The following GRID2 variants were observed in gnomAD, a reference collection of about 807,000 sequenced individuals.
GRID2 encodes the protein glutamate ionotropic receptor delta type subunit 2.
A neutral mutation model predicts 114.8 loss-of-function variants in GRID2; 33 were observed. The ratio of observed to expected loss-of-function variants is 0.29; its 90% CI spans 0.22 to 0.38. The LOEUF (loss-of-function observed/expected upper bound fraction) is 0.38, where lower values mean the gene tolerates loss of function less well. GRID2 is among the 10% of genes least tolerant of loss of function. The probability of loss-of-function intolerance (pLI) is 1.00; values close to 1 mark genes in which losing one functional copy is unlikely to be tolerated. For synonymous variants in GRID2, 505 were observed against 449.9 expected, an observed-to-expected ratio of 1.12 and a Z score of -1.55; for missense variants, 1,184 against 1,257.7, an observed-to-expected ratio of 0.94 and a Z score of 0.89.
At chr4:92,762,168 C>T (rs1179569894) in intron 2 of GRID2, among the ~76,000 whole-genome samples, 1 of 152,138 alleles carries the variant, frequency 6.6e-6, no homozygotes, top group Non-Finnish European at 1.5e-5. Flanking sequence ...CCCCCTCAGC[C>T]TCCCAAAGTG....
Position 92,966,341 on chromosome 4 carries a change from A to G in GRID2, c.245-118654A>G, listed in dbSNP as rs554125123. Among the ~76,000 whole-genome samples the G allele has an allele frequency of 9.9e-5, 15 of 152,072 alleles. No individual in the cohort carries two copies. In the South Asian group the frequency reaches 2.7e-3, roughly 27 times the overall value. ...ATGTGAGGGGTCGACCCTTCGGCCAAAAAGGATAAGGTGGACCACAAAAAG... is the reference window on the plus strand; with the variant it reads ...ATGTGAGGGGTCGACCCTTCGGCCAGAAAGGATAAGGTGGACCACAAAAAG... On this transcript the variant is annotated intron_variant, in intron 2 of 15. Coordinates refer to ENST00000282020, the MANE Select transcript of GRID2 (RefSeq NM_001510.4).
intron 1 of GRID2, among the ~76,000 whole-genome samples, chr4:92,407,030 A>G (rs1356328158): frequency 1.3e-5 from 2 of 152,220 alleles, no homozygotes; most frequent in South Asian, 2.1e-4. Context: ...ACTTGCAATT[A>G]TAGTGGAAAG....
chr4:92,378,082 C>A (rs942609725), intron 1 of GRID2, among the ~76,000 whole-genome samples: 1 of 151,060 alleles, frequency 6.6e-6, no homozygotes, highest in Non-Finnish European at 1.5e-5. Context: ...CTGAAAGAGG[C>A]TGTAGAGATC....
In GRID2 at chr4:93,122,901, T is replaced by G. The variant is rs186049737; in HGVS notation, c.735+11948T>G. Among the ~76,000 whole-genome samples the G allele has an allele frequency of 3.4e-5, 5 of 148,626 alleles. No homozygotes were observed. In the East Asian group the frequency reaches 1.0e-3, roughly 31 times the overall value. On this transcript the variant is annotated intron_variant, in intron 4 of 15. Coordinates refer to ENST00000282020, the MANE Select transcript of GRID2 (RefSeq NM_001510.4). ...ATCCACAGATGTGGGTTTTTTTTTT[T>G]TTTTTTTTTTTGATGAGAAAGTCTT...
intron 2 of GRID2, among the ~76,000 whole-genome samples, chr4:92,679,383 G>A (rs752304374): frequency 1.1e-4 from 17 of 151,816 alleles, no homozygotes; most frequent in Admixed American, 2.0e-4. Flanking sequence ...TTTTTTCTTA[G>A]TCACCATTTC....
intron 2 of GRID2, among the ~76,000 whole-genome samples, chr4:92,985,296 T>A (rs1754441546): frequency 1.3e-5 from 2 of 151,118 alleles, no homozygotes; most frequent in African/African-American, 4.9e-5. Context: ...CGATCTCAGC[T>A]CACTGCAAGC....
intron 13 of GRID2, among the ~76,000 whole-genome samples, chr4:93,617,576 T>C (rs183828540): frequency 1.7e-3 from 263 of 152,286 alleles, no homozygotes; most frequent in African/African-American, 5.9e-3. Flanking sequence ...ACATTGTCAT[T>C]TAGCCTTATT....
chr4:92,775,579 C>T (rs1027686079), intron 2 of GRID2, among the ~76,000 whole-genome samples: 1 of 152,050 alleles, frequency 6.6e-6, no homozygotes, highest in Non-Finnish European at 1.5e-5. Flanking sequence ...GGAATTCAAG[C>T]CTTTTCTGTA....
At chr4:92,709,449 T>A (rs962079512) in intron 2 of GRID2, among the ~76,000 whole-genome samples, 2 of 151,770 alleles carry the variant, frequency 1.3e-5, no homozygotes, top group Admixed American at 6.6e-5. Flanking sequence ...ATTCGCAGTT[T>A]GTTGCAATTT....
In GRID2 at chr4:92,993,213, C is replaced by A. The variant is rs549060358; in HGVS notation, c.245-91782C>A. 1.9e-3 allele frequency among the ~76,000 whole-genome samples: 284 copies of A among 149,250 alleles called. 3 individuals are homozygous for A. Among genetic ancestry groups the A allele is most frequent in the African/African-American group, 6.6e-3 (270 of 40,632 alleles). The stretch of plus-strand genomic sequence containing the variant: ...ACAATAATAATAATAAAAGAATTGC[C>A]CAAGATGATTGGTATAAAATTCATT... On this transcript the variant is annotated intron_variant, in intron 2 of 15. Coordinates refer to ENST00000282020, the MANE Select transcript of GRID2 (RefSeq NM_001510.4).
chr4:92,486,413 T>C (rs1722890075), intron 1 of GRID2, among the ~76,000 whole-genome samples: 1 of 151,864 alleles, frequency 6.6e-6, no homozygotes, highest in South Asian at 2.1e-4. Context: ...TATGTAAATA[T>C]AATAAAACTT....
At chr4:92,693,568 G>A (rs1734284938) in intron 2 of GRID2, among the ~76,000 whole-genome samples, 2 of 152,182 alleles carry the variant, frequency 1.3e-5, no homozygotes, top group African/African-American at 4.8e-5. Context: ...ACACAGTACT[G>A]TGAGATGAAC....
intron 14 of GRID2, among the ~76,000 whole-genome samples, chr4:93,685,742 A>T (rs1726018812): frequency 6.6e-6 from 1 of 152,028 alleles, no homozygotes; most frequent in Non-Finnish European, 1.5e-5. Flanking sequence ...AGTTTTAGAC[A>T]CTTATATCCA....
At chr4:93,798,561 G>A (rs10009431) in intron 1 of GRID2, among the ~76,000 whole-genome samples, 74,113 of 152,050 alleles carry the variant, frequency 0.49, 18,760 homozygotes, top group Non-Finnish European at 0.55. Context: ...AGTGAGTAGG[G>A]CATGCATTTA....
intron 1 of GRID2, among the ~76,000 whole-genome samples, chr4:92,570,932 C>A (rs1727581736): frequency 4.0e-5 from 6 of 151,706 alleles, no homozygotes. Context: ...ATTTGAATGT[C>A]TTTCTTTCTT....
intron 8 of GRID2, among the ~76,000 whole-genome samples, chr4:93,264,709 G>GATATATATATATATATAT (rs70942961): frequency 1.4e-3 from 182 of 132,892 alleles, no homozygotes; most frequent in African/African-American, 4.3e-3. Context: ...AGTTTTGAAT[G>GATATATATATATATATAT]ATATATATAT....
intron 14 of GRID2, among the ~76,000 whole-genome samples, chr4:93,664,943 G>A (rs1162349318): frequency 6.6e-6 from 1 of 152,162 alleles, no homozygotes; most frequent in African/African-American, 2.4e-5. Context: ...TAAGTGATTA[G>A]TAATTTGTGT....
chr4:93,536,658 T>C (rs911978537), intron 13 of GRID2, among the ~76,000 whole-genome samples: 19 of 151,560 alleles, frequency 1.3e-4, no homozygotes, highest in Non-Finnish European at 3.0e-5. Context: ...TTTTTTTTTT[T>C]TTTTTAACAC....
At chr4:92,910,537 G>T (rs775843658) in intron 2 of GRID2, among the ~76,000 whole-genome samples, 5 of 152,178 alleles carry the variant, frequency 3.3e-5, no homozygotes, top group Non-Finnish European at 5.9e-5. Context: ...GAATGATGCA[G>T]TTGAGAGATA....
Sources: allele counts gnomAD v4.1 joint callset (sites outside exome capture counted in the v4.1 genomes callset), GRCh38; gene constraint gnomAD v4.1.1; transcripts MANE v1.5; gene names NCBI Gene and HGNC (gene_info 2026-07-23, HGNC 2026-07-21).